NOD2: variants seen among roughly 807,000 people sequenced by gnomAD.
The protein encoded by NOD2 is nucleotide binding oligomerization domain containing 2.
In NOD2, 86 loss-of-function variants were observed where a neutral mutation model predicts 90.9. The observed-to-expected ratio is 0.95, with a 90% confidence interval of 0.79 to 1.13. The LOEUF (loss-of-function observed/expected upper bound fraction) is 1.13, where lower values mean the gene tolerates loss of function less well. Among genes scored for constraint, NOD2 ranks in the 50% most tolerant of loss-of-function variants. The pLI is 0.00. For missense variants in NOD2, 1,238 were observed against 1,283.8 expected, an observed-to-expected ratio of 0.96 and a Z score of 0.55; for synonymous variants, 581 against 554.6, an observed-to-expected ratio of 1.05 and a Z score of -0.67.
chr16:50,728,227 T>G (rs1190477224), intron 10 of NOD2: 1 of 256,426 alleles, frequency 3.9e-6, no homozygotes, highest in Non-Finnish European at 7.8e-6. Context: ...TCTCAATTGG[T>G]CATTGTCAGC....
chr16:50,700,127 A>G (rs572621394), intron 2 of NOD2, among the ~76,000 whole-genome samples, 173 bp downstream of exon 2: 1 of 151,744 alleles, frequency 6.6e-6, no homozygotes, highest in South Asian at 2.1e-4. Context: ...GAAACGTACA[A>G]CTCTTTCTTT....
intron 6 of NOD2, among the ~76,000 whole-genome samples, chr16:50,718,309 A>G (rs1964888518): frequency 6.6e-6 from 1 of 152,216 alleles, no homozygotes; most frequent in South Asian, 2.1e-4. Flanking sequence ...TGAGGTCGGC[A>G]GCTGGATGTC....
intron 1 of NOD2, chr16:50,697,589 T>G: frequency 5.9e-6 from 3 of 508,116 alleles, no homozygotes; most frequent in Non-Finnish European, 7.2e-6. Flanking sequence ...TTGTCCTCTC[T>G]TCCCCTGTCC....
intron 3 of NOD2, among the ~76,000 whole-genome samples, chr16:50,708,843 A>G (rs1964323826): frequency 6.6e-6 from 1 of 152,198 alleles, no homozygotes; most frequent in African/African-American, 2.4e-5. Context: ...TCGCGAGTGC[A>G]CCGTCTCATT....
intron 6 of NOD2, among the ~76,000 whole-genome samples, chr16:50,717,931 G>C (rs541468599): frequency 1.3e-5 from 2 of 152,318 alleles, no homozygotes; most frequent in East Asian, 3.9e-4. Flanking sequence ...ACCATGGAGA[G>C]TATCAAGCCC....
chr16:50,710,599 G>T lies in NOD2; in HGVS notation c.607G>T (p.Val203Leu). ...GTATATGGCCAAGCTGAGGACCACG[G>T]TGTCTGCTCAGTCTCGCTTCCTCAG... ...KKYMAKLRTT[V>L]SAQSRFLSTY... The change falls in exon 4 of 12, where the codon GTG becomes TTG. Residue 203 changes from valine to leucine, a missense_variant. Physicochemically the swap from Val to Leu is conservative, Grantham distance 32. Transcript: ENST00000647318. 6.2e-7 allele frequency: 1 copy of T among 1,614,206 alleles called. No homozygotes were observed. Among genetic ancestry groups the T allele is most frequent in the South Asian group, 1.1e-5 (1 of 91,088 alleles).
At chr16:50,714,485 G>C (rs747861815) in intron 4 of NOD2, among the ~76,000 whole-genome samples, 2 of 152,086 alleles carry the variant, frequency 1.3e-5, no homozygotes, top group Non-Finnish European at 2.9e-5. Context: ...CAACCAGCTT[G>C]GTTTTCCATT....
intron 2 of NOD2, among the ~76,000 whole-genome samples, chr16:50,707,260 G>T (rs1377703496): frequency 1.3e-5 from 2 of 152,190 alleles, no homozygotes; most frequent in African/African-American, 4.8e-5. Context: ...GGCTTCAAGG[G>T]TGACTCCAAG....
Position 50,699,957 on chromosome 16 carries a change from G to T in NOD2, c.459+3G>T, listed in dbSNP as rs1384904015. ...CGATCTTCACACCGTCCCAGAGGGT[G>T]AGGCACTCCTGGTGTGCATCACAGA... On this transcript the variant is annotated splice_donor_region_variant and intron_variant, in intron 2 of 11. Transcript: ENST00000647318. 1 of 1,603,458 alleles carries T rather than the reference G, an allele frequency of 6.2e-7. No homozygotes were observed. Among genetic ancestry groups the T allele is most frequent in the Non-Finnish European group, 8.5e-7 (1 of 1,179,226 alleles).
intron 1 of NOD2, among the ~76,000 whole-genome samples, chr16:50,698,360 C>T (rs756597576): frequency 3.3e-5 from 5 of 152,050 alleles, no homozygotes; most frequent in East Asian, 1.9e-4. Flanking sequence ...GTTTCGAGGG[C>T]GTGGGAGGGA....
intron 10 of NOD2, among the ~76,000 whole-genome samples, chr16:50,725,882 G>A (rs1283504630): frequency 6.6e-6 from 1 of 152,232 alleles, no homozygotes; most frequent in Non-Finnish European, 1.5e-5. Flanking sequence ...CCTGGAGCCA[G>A]TGCAGAACAC....
At position 50,694,859 on chromosome 16, in the gene NOD2, T is replaced by C. The variant is rs541553032; in HGVS notation, c.-9+1197T>C. On this transcript the variant is annotated intron_variant, in intron 1 of 11. Transcript: ENST00000647318. ...AATGGACAGCAATGAAATAAGTAAA[T>C]ACATGGCGTAGCAGGTGGCGGGAAG... Among the ~76,000 whole-genome samples the C allele has an allele frequency of 1.8e-4, 27 of 152,122 alleles. No individual in the cohort carries two copies. The South Asian group carries it at 5.4e-3, about 30-fold the overall frequency.
intron 7 of NOD2, 28 bp downstream of exon 7, chr16:50,720,036 T>A (rs780241868): frequency 1.9e-6 from 3 of 1,595,676 alleles, no homozygotes; most frequent in Non-Finnish European, 2.6e-6. Flanking sequence ...AAGAGGGACC[T>A]GCATGGAGGG....
In NOD2 at chr16:50,702,576, T is replaced by C. The variant is rs577730911; in HGVS notation, c.459+2622T>C. Among the ~76,000 whole-genome samples the C allele has an allele frequency of 2.0e-5, 3 of 152,284 alleles. No individual in the cohort carries two copies. In the East Asian group the frequency reaches 5.8e-4, roughly 29 times the overall value. On this transcript the variant is annotated intron_variant, in intron 2 of 11. Coordinates refer to ENST00000647318, the MANE Select transcript of NOD2 (RefSeq NM_001370466.1). ...TTTCCTATAAAGAAGTAGTTGTCAT[T>C]GATTGCAGGTTAGGGACAGAAAATG...
rs1243809567 is a variant in NOD2, at chr16:50,711,175, G to C, written c.1183G>C (p.Val395Leu). The C allele has an allele frequency of 6.2e-7, 1 of 1,614,022 alleles. No individual in the cohort carries two copies. Among genetic ancestry groups the C allele is most frequent in the African/African-American group, 1.3e-5 (1 of 74,946 alleles). ...QGNLLKNARK[V>L]VTSRPAAVSA... ...CAACCTGCTGAAGAATGCCCGCAAG[G>C]TGGTGACCAGCCGTCCGGCCGCTGT... The change falls in exon 4 of 12, where the codon GTG becomes CTG. Residue 395 changes from valine to leucine, a missense_variant. Transcript: ENST00000647318.
chr16:50,728,895 T>G (rs1466199889), intron 10 of NOD2: 1 of 152,836 alleles, frequency 6.5e-6, no homozygotes, highest in East Asian at 1.9e-4. Flanking sequence ...ATAGAAATAT[T>G]ACTGCTCATT....
chr16:50,720,661 C>G (rs1567402252), intron 7 of NOD2, among the ~76,000 whole-genome samples: 2 of 152,212 alleles, frequency 1.3e-5, no homozygotes, highest in Non-Finnish European at 2.9e-5. Flanking sequence ...CCTATCCTGT[C>G]ATGCCCTAGT....
At chr16:50,717,042 GTC>G (rs1221375053) in intron 6 of NOD2, 68 bp downstream of exon 6, 1 of 1,409,732 alleles carries the variant, frequency 7.1e-7, no homozygotes, top group African/African-American at 1.4e-5. Context: ...GTCTGATCTG[GTC>G]TTGGCCTGGC....
intron 1 of NOD2, chr16:50,696,334 T>G (rs1963646839): frequency 6.6e-6 from 1 of 152,228 alleles, no homozygotes; most frequent in African/African-American, 2.4e-5. Flanking sequence ...TGACCCTCTC[T>G]TTCAGCAAGG....
Sources: allele counts gnomAD v4.1 joint callset (sites outside exome capture counted in the v4.1 genomes callset), GRCh38; gene constraint gnomAD v4.1.1; transcripts MANE v1.5; gene names NCBI Gene and HGNC (gene_info 2026-07-23, HGNC 2026-07-21).